CLHC1: variants seen among roughly 807,000 people sequenced by gnomAD.
The protein encoded by CLHC1 is clathrin heavy chain linker domain-containing protein 1.
In CLHC1, 72 loss-of-function variants were observed where a neutral mutation model predicts 69.5. The observed-to-expected ratio is 1.04, with a 90% CI of 0.86 to 1.26. CLHC1 has a LOEUF of 1.26. CLHC1 is among the 50% of genes most tolerant of loss of function. The pLI, the probability that CLHC1 is intolerant of heterozygous loss-of-function variation, is 0.00. For synonymous variants in CLHC1, 223 were observed against 224.3 expected, an observed-to-expected ratio of 0.99 and a Z score of 0.05; for missense variants, 790 against 679.3, an observed-to-expected ratio of 1.16 and a Z score of -1.81.
At chr2:55,196,891 T>C (rs768233797) in intron 9 of CLHC1, among the ~76,000 whole-genome samples, 43 of 152,200 alleles carry the variant, frequency 2.8e-4, no homozygotes, top group Non-Finnish European at 1.0e-4. Context: ...CCAAGCAGGC[T>C]ATTGGGGTCC....
At chr2:55,189,621 G>T (rs530968667) in intron 9 of CLHC1, among the ~76,000 whole-genome samples, 5 of 152,272 alleles carry the variant, frequency 3.3e-5, no homozygotes, top group African/African-American at 1.2e-4. Context: ...TGGAAGTCTG[G>T]TGAGGTCAAT....
chr2:55,198,842 G>A (rs1385292191), intron 9 of CLHC1, among the ~76,000 whole-genome samples: 2 of 152,130 alleles, frequency 1.3e-5, no homozygotes, highest in Non-Finnish European at 2.9e-5. Flanking sequence ...TCACAGGCCA[G>A]GAGAGAGTGG....
chr2:55,181,827 C>T (rs1035570230), intron 9 of CLHC1, 83 bp from the exon 10 acceptor site: 1 of 1,027,032 alleles, frequency 9.7e-7, no homozygotes, highest in African/African-American at 1.6e-5. Context: ...ATTTTTGTGC[C>T]TTTGCTTTTC....
chr2:55,208,844 T>C (rs994018777), intron 7 of CLHC1, 134 bp from the exon 8 acceptor site: 5 of 483,420 alleles, frequency 1.0e-5, no homozygotes, highest in African/African-American at 1.0e-4. Flanking sequence ...CTAAACTTAG[T>C]GGCCTCCCCG....
chr2:55,196,729 C>T (rs1364819338), intron 9 of CLHC1, among the ~76,000 whole-genome samples: 1 of 152,186 alleles, frequency 6.6e-6, no homozygotes, highest in East Asian at 1.9e-4. Flanking sequence ...GGGTAAGACT[C>T]TGAGATATGC....
chr2:55,190,924 C>A (rs1300516890), intron 9 of CLHC1, among the ~76,000 whole-genome samples: 8 of 151,988 alleles, frequency 5.3e-5, no homozygotes, highest in African/African-American at 1.7e-4. Flanking sequence ...TACTAACACT[C>A]ACAATCAAAG....
Position 55,172,721 on chromosome 2 carries a change from T to A in CLHC1, c.*3069A>T, listed in dbSNP as rs1669061558. Among the ~76,000 whole-genome samples, 1 of 148,070 alleles carries A rather than the reference T, an allele frequency of 6.8e-6. No homozygotes were observed. ...AAAGTTAAAAAAAAAAAAAAAGGCC[T>A]CTGCTATGATTTTTGACTTAACATA... On this transcript the variant is annotated 3_prime_UTR_variant, in exon 13 of 13. Transcript: ENST00000401408.
In CLHC1 at chr2:55,217,983, T is replaced by C; in HGVS notation, c.193A>G (p.Thr65Ala). ...NVFDKVIEHITAYKSILTSIK... is the reference protein window; with the variant it reads ...NVFDKVIEHIAAYKSILTSIK... Reference sequence around the variant, plus strand: ...GAAGTAAGAATGGATTTGTATGCAGTGATATGCTCTATTACCTGAAATATT... The same window carrying C: ...GAAGTAAGAATGGATTTGTATGCAGCGATATGCTCTATTACCTGAAATATT... The change falls in exon 4 of 13, where the codon ACT (threonine) becomes GCT (alanine). Residue 65 changes from threonine to alanine, a missense_variant. Physicochemically the swap from Thr to Ala is moderately conservative, Grantham distance 58. Coordinates refer to ENST00000401408, the MANE Select transcript of CLHC1 (RefSeq NM_152385.4). 1 of 1,530,518 alleles carries C rather than the reference T, an allele frequency of 6.5e-7. No individual in the cohort carries two copies. The highest frequency in any genetic ancestry group is 8.8e-7 in the Non-Finnish European group (1 of 1,137,322). The allele number at this position is 1,530,518 out of a possible 1,614,324, so 94.8% of individuals were successfully genotyped here. A position where few individuals can be genotyped will look rare whatever the true frequency, so the allele number is the denominator to read the frequency against.
rs748274947 is a variant in CLHC1 at position 55,222,462 on chromosome 2, G to A, written c.-51C>T. The A allele has an allele frequency of 3.5e-6, 5 of 1,435,460 alleles. No homozygotes were observed. In the South Asian group the frequency reaches 5.6e-5, roughly 16 times the overall value. The allele number at this position is 1,435,460 out of a possible 1,614,324, so 88.9% of individuals were successfully genotyped here. The stretch of plus-strand genomic sequence containing the variant: ...CTGAAGAACAGCTAAATCTTGACCT[G>A]CTCTTGCAACAAAGCCAAAACTTTG... On this transcript the variant is annotated 5_prime_UTR_variant, in exon 3 of 13. Coordinates refer to ENST00000401408, the MANE Select transcript of CLHC1 (RefSeq NM_152385.4).
chr2:55,205,521 G>A (rs1672358094), intron 9 of CLHC1, among the ~76,000 whole-genome samples: 1 of 152,120 alleles, frequency 6.6e-6, no homozygotes, highest in Non-Finnish European at 1.5e-5. Flanking sequence ...GAACTAGGAA[G>A]TAGCAGGAAG....
intron 4 of CLHC1, among the ~76,000 whole-genome samples, chr2:55,217,523 CAAAAAAAAA>C (rs1162910086): frequency 4.4e-4 from 9 of 20,342 alleles, no homozygotes; most frequent in South Asian, 7.9e-3. Flanking sequence ...AACCCTGTCT[CAAAAAAAAA>C]AAAAAAAAAA....
At position 55,184,914 on chromosome 2, in the gene CLHC1, AAC is replaced by A. The variant is rs1670279498; in HGVS notation, c.1007-3172_1007-3171del. On this transcript the variant is annotated intron_variant, in intron 9 of 12. Transcript: ENST00000401408. ...ACTGAGACTCCATCTCAAAAAAAAAAACAAAACACACACACACACACACACAC... is the reference window on the plus strand; with the variant it reads ...ACTGAGACTCCATCTCAAAAAAAAAAAAAACACACACACACACACACACAC... Among the ~76,000 whole-genome samples, 3 of 122,094 alleles carry A rather than the reference AAC, an allele frequency of 2.5e-5. No homozygotes were observed. In the Admixed American group the frequency reaches 3.0e-4, roughly 12 times the overall value. 80.1% of individuals were successfully genotyped at this position (122,094 alleles called of 152,430 possible). A position where few individuals can be genotyped will look rare whatever the true frequency, so the allele number is the denominator to read the frequency against.
At position 55,175,802 on chromosome 2, in the gene CLHC1, A is replaced by C; in HGVS notation, c.1749T>G (p.His583Gln). ...TTAAGATATAGAACTACCAAAACAC[A>C]TGTTCCATTAGGTTGACTGCGTCAT... ...EEDDAVNLME[H>Q]VFW Residue 583 changes from histidine to glutamine, a missense_variant, in exon 13 of 13, where the codon CAT becomes CAG. Coordinates refer to ENST00000401408, the MANE Select transcript of CLHC1 (RefSeq NM_152385.4). 6.2e-7 allele frequency: 1 copy of C among 1,613,772 alleles called. No homozygotes were observed. Among genetic ancestry groups the C allele is most frequent in the Non-Finnish European group, 8.5e-7 (1 of 1,179,742 alleles).
intron 11 of CLHC1, among the ~76,000 whole-genome samples, chr2:55,179,531 A>T (rs1320431963): frequency 1.3e-5 from 2 of 152,180 alleles, no homozygotes; most frequent in Non-Finnish European, 2.9e-5. Flanking sequence ...ACAACTACTA[A>T]AACTCCTTTT....
chr2:55,191,192 T>G (rs1670892640), intron 9 of CLHC1, among the ~76,000 whole-genome samples: 1 of 152,176 alleles, frequency 6.6e-6, no homozygotes, highest in South Asian at 2.1e-4. Flanking sequence ...AGATCTGCAC[T>G]AAAAGATTAA....
intron 3 of CLHC1, among the ~76,000 whole-genome samples, chr2:55,219,506 C>G (rs899732689): frequency 2.6e-5 from 4 of 152,142 alleles, no homozygotes; most frequent in Admixed American, 2.0e-4. Context: ...ATCCCTATTC[C>G]TTAATGGCAA....
chr2:55,223,669 G>GC (rs964548459), intron 2 of CLHC1, among the ~76,000 whole-genome samples: 74 of 152,204 alleles, frequency 4.9e-4, no homozygotes, highest in African/African-American at 1.7e-3. Flanking sequence ...GACCACTGGC[G>GC]CCCCCGGACC....
At position 55,175,411 on chromosome 2, in the gene CLHC1, T is replaced by C. The variant is rs1200259599; in HGVS notation, c.*379A>G. 1.8e-5 allele frequency: 3 copies of C among 165,346 alleles called. No homozygotes were observed. Among genetic ancestry groups the C allele is most frequent in the African/African-American group, 7.2e-5 (3 of 41,924 alleles). 10.2% of individuals were successfully genotyped at this position (165,346 alleles called of 1,614,324 possible). ...GTCAAGTCAGGCTTGTAGCATTTCATGTTTGGGAAGACAGTCTAACACACA... is the reference window on the plus strand; with the variant it reads ...GTCAAGTCAGGCTTGTAGCATTTCACGTTTGGGAAGACAGTCTAACACACA... On this transcript the variant is annotated 3_prime_UTR_variant, in exon 13 of 13. Transcript: ENST00000401408.
At chr2:55,193,398 A>C (rs1671112925) in intron 9 of CLHC1, among the ~76,000 whole-genome samples, 1 of 152,198 alleles carries the variant, frequency 6.6e-6, no homozygotes, top group Non-Finnish European at 1.5e-5. Context: ...ATCAAGTATC[A>C]AATAGGGTTT....
Sources: gnomAD v4.1 joint callset for allele counts (sites outside exome capture counted in the v4.1 genomes callset) on GRCh38, gnomAD v4.1.1 for gene constraint, MANE v1.5 for transcripts, NCBI Gene and HGNC (gene_info 2026-07-23, HGNC 2026-07-21) for gene names.